The following COBLL1 variants were observed in gnomAD, a reference collection of about 807,000 sequenced individuals.
The protein encoded by COBLL1 is cordon-bleu WH2 repeat protein like 1, also known as cordon-bleu protein-like 1.
In COBLL1, 50 loss-of-function variants were observed where a neutral mutation model predicts 94.8. The ratio of observed to expected loss-of-function variants is 0.53; its 90% CI spans 0.42 to 0.67. The LOEUF (loss-of-function observed/expected upper bound fraction) is 0.67. Among genes scored for constraint, COBLL1 ranks in the 30% least tolerant of loss-of-function variants. The pLI is 0.00. For synonymous variants in COBLL1, 448 were observed against 473.8 expected (o/e 0.95, Z 0.71); for missense variants, 1,362 against 1,348.7 (o/e 1.01, Z -0.15).
chr2:164,773,379 AGTTAATATTAT>A (rs1173028050), intron 2 of COBLL1, among the ~76,000 whole-genome samples: 4 of 152,174 alleles, frequency 2.6e-5, no homozygotes, highest in Non-Finnish European at 5.9e-5. Context: ...GAACAGCAGT[AGTTAATATTAT>A]ATACACACAG....
At chr2:164,702,156 T>C (rs1684313721) in intron 9 of COBLL1, among the ~76,000 whole-genome samples, 1 of 152,166 alleles carries the variant, frequency 6.6e-6, no homozygotes, top group Non-Finnish European at 1.5e-5. Context: ...TAGGTTTAAG[T>C]GAATATTCAA....
chr2:164,677,698 T>C (rs1465457329), downstream of COBLL1, among the ~76,000 whole-genome samples: 1 of 152,198 alleles, frequency 6.6e-6, no homozygotes, highest in African/African-American at 2.4e-5. Flanking sequence ...TGCCATGGTC[T>C]CTCATTGGCT....
chr2:164,775,348 T>C (rs1688414999), intron 2 of COBLL1, among the ~76,000 whole-genome samples: 1 of 152,192 alleles, frequency 6.6e-6, no homozygotes, highest in Non-Finnish European at 1.5e-5. Context: ...GATTTCATCA[T>C]GGCACTCTAA....
intron 3 of COBLL1, chr2:164,738,260 A>C (rs1686416892): frequency 6.6e-6 from 1 of 152,210 alleles, no homozygotes; most frequent in African/African-American, 2.4e-5. Context: ...CAGATTTCCC[A>C]AAATGAACAT....
At chr2:164,769,453 C>G (rs757459101) in intron 2 of COBLL1, among the ~76,000 whole-genome samples, 9 of 152,194 alleles carry the variant, frequency 5.9e-5, no homozygotes, top group Non-Finnish European at 1.3e-4. Context: ...GGCAACTCTA[C>G]CAAATACATC....
At chr2:164,710,505 A>AAAATT (rs1287094798) in intron 7 of COBLL1, among the ~76,000 whole-genome samples, 93 of 152,308 alleles carry the variant, frequency 6.1e-4, no homozygotes, top group African/African-American at 1.9e-3. Context: ...AGAATGCTGA[A>AAAATT]AAATTAAATT....
chr2:164,699,111 T>C (rs569727321), intron 11 of COBLL1, among the ~76,000 whole-genome samples: 1 of 151,978 alleles, frequency 6.6e-6, no homozygotes, highest in East Asian at 1.9e-4. Flanking sequence ...ACAACAAAAG[T>C]AGTACACATG....
intron 2 of COBLL1, among the ~76,000 whole-genome samples, chr2:164,818,218 A>G (rs1043577602): frequency 1.3e-5 from 2 of 150,958 alleles, no homozygotes. Flanking sequence ...GTGTATATAT[A>G]CATATATACA....
In COBLL1 at chr2:164,694,183, A is replaced by G. The variant is rs997567863; in HGVS notation, c.3123+86T>C. The G allele has an allele frequency of 1.6e-4, 201 of 1,273,100 alleles. 2 individuals carry two copies. Among genetic ancestry groups the G allele is most frequent in the Non-Finnish European group, 2.1e-4 (186 of 907,098 alleles). 78.9% of individuals were successfully genotyped at this position (1,273,100 alleles called of 1,614,324 possible). A position where few individuals can be genotyped will look rare whatever the true frequency, so the allele number is the denominator to read the frequency against. ...GATGAATATGAGTTCAGAGTTAAGTAGCACACAAACATCAACATGCTTGTT... is the reference window on the plus strand; with the variant it reads ...GATGAATATGAGTTCAGAGTTAAGTGGCACACAAACATCAACATGCTTGTT... On this transcript the variant is annotated intron_variant, in intron 12 of 13. Transcript: ENST00000652658.
In COBLL1 at chr2:164,722,122, G is replaced by C. The variant is rs775742088; in HGVS notation, c.949C>G (p.Pro317Ala). The C allele has an allele frequency of 4.3e-6, 7 of 1,613,302 alleles. No homozygotes were observed. The highest frequency in any genetic ancestry group is 1.1e-5 in the South Asian group (1 of 90,998). ...PQDLAHIQER[P>A]ASCIVKSMSV... ...ATGGATTTCACTATACAAGAAGCAGGCCTCTCCTGGATGTGTGCAAGGTCT... is the reference window on the plus strand; with the variant it reads ...ATGGATTTCACTATACAAGAAGCAGCCCTCTCCTGGATGTGTGCAAGGTCT... Residue 317 changes from proline to alanine, a missense_variant, in exon 7 of 14, where the codon CCT (proline) becomes GCT (alanine). By Grantham distance (27) the Pro-to-Ala change is conservative (BLOSUM62 -1). Coordinates refer to ENST00000652658, the MANE Select transcript of COBLL1 (RefSeq NM_001365672.2).
At chr2:164,804,385 A>C (rs1335294749) in intron 2 of COBLL1, among the ~76,000 whole-genome samples, 3 of 152,204 alleles carry the variant, frequency 2.0e-5, no homozygotes, top group African/African-American at 7.2e-5. Context: ...AAAAATGAAA[A>C]TGAAAATAAT....
chr2:164,772,282 T>C (rs1197506003), intron 2 of COBLL1, among the ~76,000 whole-genome samples: 1 of 152,014 alleles, frequency 6.6e-6, no homozygotes, highest in Non-Finnish European at 1.5e-5. Context: ...AGTTTCTTTA[T>C]CAGCAAAATT....
intron 1 of COBLL1, among the ~76,000 whole-genome samples, chr2:164,672,728 A>AAAAAAAAT (rs67260713): frequency 7.5e-6 from 1 of 132,542 alleles, no homozygotes; most frequent in Non-Finnish European, 1.5e-5. Flanking sequence ...AAAAAAAAAA[A>AAAAAAAAT]ATGACTTTGT....
At chr2:164,813,365 A>G (rs901844082) in intron 2 of COBLL1, among the ~76,000 whole-genome samples, 5 of 152,174 alleles carry the variant, frequency 3.3e-5, no homozygotes, top group African/African-American at 9.6e-5. Context: ...TACAAAATGT[A>G]TAAAGTCAAA....
At chr2:164,719,001 A>G (rs1191261396) in intron 7 of COBLL1, among the ~76,000 whole-genome samples, 2 of 152,074 alleles carry the variant, frequency 1.3e-5, no homozygotes. Flanking sequence ...ACAACAAGCT[A>G]TGCAAAATTT....
chr2:164,722,411 A>G lies in COBLL1; in HGVS notation c.759+14T>C, dbSNP rs760456338. The G allele has an allele frequency of 2.7e-6, 4 of 1,506,538 alleles. No individual in the cohort carries two copies. The highest frequency in any genetic ancestry group is 3.6e-6 in the Non-Finnish European group (4 of 1,118,858). 93.3% of individuals were successfully genotyped at this position (1,506,538 alleles called of 1,614,324 possible). Reference sequence around the variant, plus strand: ...TGAAGAATCTTACAAAATGCAATATAAGAAAATACTTACTTGGTCTCGCTT... The same window carrying G: ...TGAAGAATCTTACAAAATGCAATATGAGAAAATACTTACTTGGTCTCGCTT... On this transcript the variant is annotated intron_variant, in intron 6 of 13. Coordinates refer to ENST00000652658, the MANE Select transcript of COBLL1 (RefSeq NM_001365672.2).
chr2:164,799,068 A>C (rs187435788), intron 2 of COBLL1, among the ~76,000 whole-genome samples: 271 of 150,906 alleles, frequency 1.8e-3, no homozygotes, highest in Non-Finnish European at 1.7e-3. Flanking sequence ...TGCTTACTCT[A>C]CCTTAACAGA....
intron 7 of COBLL1, chr2:164,718,289 C>A: frequency 1.0e-6 from 1 of 978,216 alleles, no homozygotes; most frequent in Non-Finnish European, 1.2e-6. Context: ...ATGCTGCAAG[C>A]ATTAAGCCAT....
intron 2 of COBLL1, among the ~76,000 whole-genome samples, chr2:164,818,320 G>GTATAAA (rs372180977): frequency 7.0e-6 from 1 of 142,116 alleles, no homozygotes; most frequent in Non-Finnish European, 1.5e-5. Context: ...ATACACGTGT[G>GTATAAA]TATGTATACA....
Sources: allele counts gnomAD v4.1 joint callset (sites outside exome capture counted in the v4.1 genomes callset), GRCh38; gene constraint gnomAD v4.1.1; transcripts MANE v1.5; gene names NCBI Gene and HGNC (gene_info 2026-07-23, HGNC 2026-07-21).